Variants in OTUD3 observed in about 807,000 individuals in gnomAD.
OTUD3 encodes OTU domain-containing protein 3.
Under a neutral mutation model 46.2 loss-of-function variants are expected in OTUD3, and 24 were observed. The observed-to-expected ratio is 0.52, with a 90% CI of 0.38 to 0.73. OTUD3 has a LOEUF of 0.73. OTUD3 is among the 30% of genes least tolerant of loss of function. The pLI is 0.00. For missense variants in OTUD3, 455 were observed against 523.3 expected (o/e 0.87, Z 1.27); for synonymous variants, 189 against 195.4 (o/e 0.97, Z 0.27).
chr1:19,894,588 A>G, intron 3 of OTUD3, 108 bp downstream of exon 3: 1 of 653,274 alleles, frequency 1.5e-6, no homozygotes, highest in Admixed American at 3.3e-5. Flanking sequence ...ATGCGGAGTA[A>G]CTTGGTCTAC....
intron 1 of OTUD3, among the ~76,000 whole-genome samples, chr1:19,889,909 A>AT (rs1048144757): frequency 1.3e-5 from 2 of 152,092 alleles, no homozygotes; most frequent in African/African-American, 4.8e-5. Flanking sequence ...ACAAATTGCT[A>AT]TTTTTTGGGT....
At chr1:19,894,970 A>T (rs1351638009) in intron 3 of OTUD3, among the ~76,000 whole-genome samples, 1 of 152,236 alleles carries the variant, frequency 6.6e-6, no homozygotes, top group Non-Finnish European at 1.5e-5. Flanking sequence ...AAAAAATTTT[A>T]TTAAAAATTA....
intron 1 of OTUD3, among the ~76,000 whole-genome samples, chr1:19,884,719 TGA>T (rs1199433389): frequency 6.6e-6 from 1 of 152,168 alleles, no homozygotes; most frequent in African/African-American, 2.4e-5. Flanking sequence ...ACTGCACTTG[TGA>T]GAGAATGAGA....
At position 19,909,596 on chromosome 1, in the gene OTUD3, A is replaced by T. The variant is rs939893274; in HGVS notation, c.*1850A>T. 18 of 152,294 alleles carry T rather than the reference A, an allele frequency of 1.2e-4. No individual in the cohort carries two copies. The highest frequency in any genetic ancestry group is 4.3e-4 in the African/African-American group (18 of 41,430). The allele number at this position is 152,294 out of a possible 1,614,324, so 9.4% of individuals were successfully genotyped here. ...ACTGGCTGAGTGTTTCTGAATGAAGATGTTTTCCTGTCTGTTTTGTACTGC... is the reference window on the plus strand; with the variant it reads ...ACTGGCTGAGTGTTTCTGAATGAAGTTGTTTTCCTGTCTGTTTTGTACTGC... On this transcript the variant is annotated 3_prime_UTR_variant, in exon 8 of 8. Transcript: ENST00000375120.
chr1:19,903,101 G>A (rs1557680918), intron 4 of OTUD3, among the ~76,000 whole-genome samples: 1 of 133,784 alleles, frequency 7.5e-6, no homozygotes, highest in Non-Finnish European at 1.5e-5. Flanking sequence ...AGGCTGGAAT[G>A]CAGTGGTGTG....
intron 2 of OTUD3, among the ~76,000 whole-genome samples, chr1:19,892,222 G>A (rs1426169790): frequency 6.6e-6 from 1 of 152,208 alleles, no homozygotes; most frequent in Non-Finnish European, 1.5e-5. Context: ...GAAGTAAGAA[G>A]TCACTTTGAC....
At chr1:19,898,110 G>A (rs2045540861) in intron 4 of OTUD3, among the ~76,000 whole-genome samples, 3 of 151,650 alleles carry the variant, frequency 2.0e-5, no homozygotes, top group Admixed American at 6.6e-5. Context: ...CACCATGCCC[G>A]GCTAATTTTG....
intron 3 of OTUD3, 137 bp from the exon 4 acceptor site, chr1:19,897,403 C>A: frequency 1.4e-6 from 1 of 698,262 alleles, no homozygotes; most frequent in Non-Finnish European, 2.3e-6. Context: ...TTGCTTGTGA[C>A]ATATCCCAGG....
Position 19,904,933 on chromosome 1 carries a change from A to T in OTUD3, c.781A>T (p.Asn261Tyr), listed in dbSNP as rs762397335. ...CCAGAACCTGGAAGCTGAAAATTATAATATTGAATCTGCAATAATTGCCGT... is the reference window on the plus strand; with the variant it reads ...CCAGAACCTGGAAGCTGAAAATTATTATATTGAATCTGCAATAATTGCCGT... ...IVQNLEAENY[N>Y]IESAIIAVLR... Residue 261 changes from asparagine to tyrosine, a missense_variant, in exon 6 of 8, where the codon AAT becomes TAT. Asn to Tyr is a moderately radical substitution (Grantham distance 143, BLOSUM62 -2). Transcript: ENST00000375120. 5 of 1,597,746 alleles carry T rather than the reference A, an allele frequency of 3.1e-6. No homozygotes were observed. In the East Asian group the frequency reaches 1.1e-4, roughly 36 times the overall value.
At chr1:19,904,022 C>T (rs146568272) in intron 4 of OTUD3, among the ~76,000 whole-genome samples, 8 of 152,288 alleles carry the variant, frequency 5.3e-5, no homozygotes, top group Admixed American at 6.5e-5. Flanking sequence ...CATGGGAGTG[C>T]GAATGCCTTT....
intron 3 of OTUD3, among the ~76,000 whole-genome samples, chr1:19,896,476 G>T (rs1379386823): frequency 6.6e-6 from 1 of 152,028 alleles, no homozygotes; most frequent in Non-Finnish European, 1.5e-5. Flanking sequence ...GGAGACAAAT[G>T]GTGCTCTCTA....
chr1:19,896,511 C>T (rs897818420), intron 3 of OTUD3, among the ~76,000 whole-genome samples: 1 of 152,192 alleles, frequency 6.6e-6, no homozygotes, highest in Non-Finnish European at 1.5e-5. Flanking sequence ...AAACCAGACT[C>T]TCTGCACTTG....
At chr1:19,893,681 G>T (rs2045479885) in intron 2 of OTUD3, among the ~76,000 whole-genome samples, 2 of 152,196 alleles carry the variant, frequency 1.3e-5, no homozygotes, top group Admixed American at 1.3e-4. Flanking sequence ...TCACCTTTGG[G>T]AATTCCAGAG....
rs1284549025 is a variant in OTUD3, at chr1:19,909,387, A to G, written c.*1641A>G. The G allele has an allele frequency of 6.6e-6, 1 of 152,352 alleles. No individual in the cohort carries two copies. Among genetic ancestry groups the G allele is most frequent in the African/African-American group, 2.4e-5 (1 of 41,456 alleles). 9.4% of individuals were successfully genotyped at this position (152,352 alleles called of 1,614,324 possible). On this transcript the variant is annotated 3_prime_UTR_variant, in exon 8 of 8. Transcript: ENST00000375120. ...CTGGGTACAGTACATTGTAAAATTT[A>G]GCAGATTAAAAAAAGTACACAGCAT...
rs187817391 is a variant in OTUD3, at chr1:19,907,127, A to G, written c.1021-443A>G. On this transcript the variant is annotated intron_variant, in intron 7 of 7. Transcript: ENST00000375120. ...TTCACTCCCACAAGTAGTATGTGAC[A>G]TCTTCCATTTTACTGAATTTGGAAT... Among the ~76,000 whole-genome samples, 8 of 152,354 alleles carry G rather than the reference A, an allele frequency of 5.3e-5. No homozygotes were observed. The East Asian group carries it at 1.3e-3, about 26-fold the overall frequency.
intron 4 of OTUD3, among the ~76,000 whole-genome samples, chr1:19,903,609 G>A (rs1180358984): frequency 6.6e-6 from 1 of 152,224 alleles, no homozygotes; most frequent in Non-Finnish European, 1.5e-5. Context: ...AGGTGGTTGA[G>A]CATCTACAGA....
chr1:19,898,596 CGCATGCCTGT>C (rs2045547505), intron 4 of OTUD3, among the ~76,000 whole-genome samples: 5 of 151,644 alleles, frequency 3.3e-5, no homozygotes, highest in Non-Finnish European at 7.4e-5. Context: ...GGTGTGGTGG[CGCATGCCTGT>C]AATCCCAGCT....
At chr1:19,895,184 G>A (rs2045503447) in intron 3 of OTUD3, among the ~76,000 whole-genome samples, 2 of 152,122 alleles carry the variant, frequency 1.3e-5, no homozygotes, top group African/African-American at 4.8e-5. Flanking sequence ...TGTGTTATTA[G>A]CATAAAGGTA....
chr1:19,890,633 A>G, intron 2 of OTUD3, 100 bp downstream of exon 2: 1 of 1,022,298 alleles, frequency 9.8e-7, no homozygotes, highest in Non-Finnish European at 1.5e-6. Context: ...TTGGTTATAT[A>G]AATCACGACA....
Sources: allele counts gnomAD v4.1 joint callset (sites outside exome capture counted in the v4.1 genomes callset), GRCh38; gene constraint gnomAD v4.1.1; transcripts MANE v1.5; gene names NCBI Gene and HGNC (gene_info 2026-07-23, HGNC 2026-07-21).